Variants in TIGAR observed in about 807,000 individuals in gnomAD.
The protein encoded by TIGAR is fructose-2,6-bisphosphatase TIGAR.
TIGAR carries 7 observed loss-of-function variants against 17.9 expected under a neutral mutation model. That is an observed-to-expected ratio of 0.39 (90% confidence interval 0.22 to 0.73). The LOEUF (loss-of-function observed/expected upper bound fraction) is 0.73. TIGAR is among the 30% of genes least tolerant of loss of function. The probability of loss-of-function intolerance (pLI) is 0.42; values close to 1 mark genes in which losing one functional copy is unlikely to be tolerated. For synonymous variants in TIGAR, 94 were observed against 108.6 expected, an observed-to-expected ratio of 0.87 and a Z score of 0.84; for missense variants, 258 against 327.4, an observed-to-expected ratio of 0.79 and a Z score of 1.64.
At chr12:4,343,106 A>T (rs1359875315) in intron 3 of TIGAR, among the ~76,000 whole-genome samples, 1 of 152,214 alleles carries the variant, frequency 6.6e-6, no homozygotes, top group East Asian at 1.9e-4. Flanking sequence ...GATAAAATGG[A>T]CTTTAAACCA....
chr12:4,333,438 C>T (rs1466556576), intron 2 of TIGAR, among the ~76,000 whole-genome samples: 3 of 151,412 alleles, frequency 2.0e-5, no homozygotes, highest in Non-Finnish European at 4.4e-5. Context: ...TACAGGTTCC[C>T]GGCACCACAC....
At chr12:4,327,421 A>G (rs1286620725) in intron 1 of TIGAR, among the ~76,000 whole-genome samples, 1 of 151,974 alleles carries the variant, frequency 6.6e-6, no homozygotes, top group Non-Finnish European at 1.5e-5. Context: ...AAAAAAAAAA[A>G]AAAAAAGAAA....
chr12:4,321,361 G>A lies in TIGAR; in HGVS notation c.32+58G>A, dbSNP rs1328798501. On this transcript the variant is annotated intron_variant, in intron 1 of 5. Coordinates refer to ENST00000179259, the MANE Select transcript of TIGAR (RefSeq NM_020375.3). This position sits in a 1 kb window ranked among gnomAD's most constrained non-coding sequence, Gnocchi z 5.2. ...CTCTCTTCCTTGAGTGTGTTGGAGC[G>A]GGTGAAGGGAAAACGGGTCCACCAC... 6.3e-7 allele frequency: 1 copy of A among 1,596,516 alleles called. No homozygotes were observed. Among genetic ancestry groups the A allele is most frequent in the Non-Finnish European group, 8.5e-7 (1 of 1,177,532 alleles).
At position 4,351,300 on chromosome 12, in the gene TIGAR, G is replaced by A. The variant is rs1407503748; in HGVS notation, c.304G>A (p.Glu102Lys). 1.2e-6 allele frequency: 2 copies of A among 1,614,164 alleles called. No homozygotes were observed. Among genetic ancestry groups the A allele is most frequent in the Admixed American group, 3.3e-5 (2 of 60,022 alleles). The change falls in exon 5 of 6, where the codon GAG (glutamate) becomes AAG (lysine). Residue 102 changes from glutamate to lysine, a missense_variant. By Grantham distance (56) the Glu-to-Lys change is moderately conservative. Transcript: ENST00000179259. ...GGTTGTAGAAGGCAAAGCGCTAAGT[G>A]AGCTGAGGGCCATGGCCAAAGCAGC... Reference protein sequence around the residue: ...YGVVEGKALSELRAMAKAARE... With the variant: ...YGVVEGKALSKLRAMAKAARE...
In TIGAR at chr12:4,354,500, T is replaced by G. The variant is rs1049235376; in HGVS notation, c.*1809T>G. On this transcript the variant is annotated 3_prime_UTR_variant, in exon 6 of 6. Coordinates refer to ENST00000179259, the MANE Select transcript of TIGAR (RefSeq NM_020375.3). ...TGTTCATCTGCTTGCAATGTTCATC[T>G]GTTCCTTATATTTTCACCTAGTGTC... 2 of 152,124 alleles carry G rather than the reference T, an allele frequency of 1.3e-5. No homozygotes were observed. Among genetic ancestry groups the G allele is most frequent in the Non-Finnish European group, 1.5e-5 (1 of 68,022 alleles). The allele number at this position is 152,124 out of a possible 1,614,324, so 9.4% of individuals were successfully genotyped here. A position where few individuals can be genotyped will look rare whatever the true frequency, so the allele number is the denominator to read the frequency against.
intron 1 of TIGAR, among the ~76,000 whole-genome samples, chr12:4,322,062 C>G (rs1260925199): frequency 1.3e-5 from 2 of 151,960 alleles, no homozygotes; most frequent in Non-Finnish European, 2.9e-5. Flanking sequence ...GTGGCGCTAT[C>G]TCTGCTCACT....
intron 2 of TIGAR, among the ~76,000 whole-genome samples, chr12:4,333,282 T>C (rs1864622709): frequency 1.4e-5 from 2 of 146,464 alleles, no homozygotes; most frequent in Non-Finnish European, 3.0e-5. Context: ...TTTGAAAATA[T>C]ATATAAGTTG....
At chr12:4,349,698 T>C (rs1013002615) in intron 3 of TIGAR, 121 bp from the exon 4 acceptor site, 1 of 748,686 alleles carries the variant, frequency 1.3e-6, no homozygotes, top group Non-Finnish European at 2.1e-6. Flanking sequence ...ATTACAGGTG[T>C]GAGCCACCGT....
At position 4,351,186 on chromosome 12, in the gene TIGAR, T is replaced by C. The variant is rs147583305; in HGVS notation, c.271-81T>C. 1.8e-3 allele frequency: 2,339 copies of C among 1,283,430 alleles called. 10 individuals carry two copies. Among genetic ancestry groups the C allele is most frequent in the Non-Finnish European group, 2.4e-3 (2,150 of 891,858 alleles). The allele number at this position is 1,283,430 out of a possible 1,614,324, so 79.5% of individuals were successfully genotyped here. ...AGTTAGCTTATTCCTGGGATGAATG[T>C]TCTAAATTTGCCATAAACATAAACT... is the stretch of plus-strand genomic sequence containing the variant. On this transcript the variant is annotated intron_variant, in intron 4 of 5. Coordinates refer to ENST00000179259, the MANE Select transcript of TIGAR (RefSeq NM_020375.3).
chr12:4,336,246 G>A (rs1043717382), intron 2 of TIGAR, among the ~76,000 whole-genome samples: 1 of 152,082 alleles, frequency 6.6e-6, no homozygotes, highest in Non-Finnish European at 1.5e-5. Flanking sequence ...AGGAGCCCTC[G>A]CTCCCAAGAA....
Position 4,321,334 on chromosome 12 carries a change from C to G in TIGAR, c.32+31C>G. The G allele has an allele frequency of 6.2e-7, 1 of 1,600,076 alleles. No individual in the cohort carries two copies. The highest frequency in any genetic ancestry group is 8.5e-7 in the Non-Finnish European group (1 of 1,179,648). ...TATGGCTGTGGCAGGATGTCTTTCT[C>G]TCTCTCTTCCTTGAGTGTGTTGGAG... On this transcript the variant is annotated intron_variant, in intron 1 of 5. Transcript: ENST00000179259. The surrounding 1 kb of genome is among the most constrained non-coding windows in gnomAD (Gnocchi z 5.2).
chr12:4,326,384 T>A (rs1219035963), intron 1 of TIGAR, among the ~76,000 whole-genome samples: 1 of 152,252 alleles, frequency 6.6e-6, no homozygotes, highest in African/African-American at 2.4e-5. Context: ...ATTAAACAGT[T>A]ACTTCAAGGA....
chr12:4,346,894 A>G (rs866575127), intron 3 of TIGAR, among the ~76,000 whole-genome samples: 4 of 152,208 alleles, frequency 2.6e-5, no homozygotes, highest in Non-Finnish European at 4.4e-5. Flanking sequence ...AAGACAGGCA[A>G]TAACACATGC....
At chr12:4,337,332 A>G (rs1025234730) in intron 3 of TIGAR, among the ~76,000 whole-genome samples, 172 bp downstream of exon 3, 1 of 151,974 alleles carries the variant, frequency 6.6e-6, no homozygotes, top group Non-Finnish European at 1.5e-5. Flanking sequence ...CACCTAGCTA[A>G]TTTTTGTATT....
intron 1 of TIGAR, among the ~76,000 whole-genome samples, chr12:4,325,461 A>G (rs191360845): frequency 1.3e-5 from 2 of 152,196 alleles, no homozygotes; most frequent in African/African-American, 4.8e-5. Flanking sequence ...CTTTATAAAG[A>G]TCAAAGACAG....
At chr12:4,343,583 A>C (rs2120679288) in intron 3 of TIGAR, among the ~76,000 whole-genome samples, 1 of 151,948 alleles carries the variant, frequency 6.6e-6, no homozygotes, top group Non-Finnish European at 1.5e-5. Context: ...AGAAACTCAA[A>C]GCCACTCAAC....
intron 3 of TIGAR, among the ~76,000 whole-genome samples, chr12:4,340,775 G>A (rs1047164738): frequency 6.6e-6 from 1 of 152,172 alleles, no homozygotes; most frequent in Non-Finnish European, 1.5e-5. Context: ...TGACAAAGAT[G>A]CCAAGAAGAT....
rs749074349 is a variant in TIGAR at position 4,351,362 on chromosome 12, A to G, written c.366A>G (p.Gly122=). The G allele has an allele frequency of 6.2e-7, 1 of 1,614,094 alleles. No individual in the cohort carries two copies. Among genetic ancestry groups the G allele is most frequent in the South Asian group, 1.1e-5 (1 of 91,082 alleles). Residue 122 remains glycine (G), a synonymous_variant, in exon 5 of 6, where the codon GGA becomes GGG. Coordinates refer to ENST00000179259, the MANE Select transcript of TIGAR (RefSeq NM_020375.3). Reference sequence around the variant, plus strand: ...GCCCTGTGTTTACACCGCCCGGAGGAGAGACGCTGGACCAGGTATGTGGCG... The same window carrying G: ...GCCCTGTGTTTACACCGCCCGGAGGGGAGACGCTGGACCAGGTATGTGGCG... ...EECPVFTPPG[G]ETLDQVKMRG...
intron 3 of TIGAR, among the ~76,000 whole-genome samples, chr12:4,338,976 AC>A (rs372066598): frequency 0.17 from 10,943 of 63,504 alleles, 1,213 homozygotes; most frequent in South Asian, 0.27. Flanking sequence ...ACTTTGTCTC[AC>A]AAAAAAAAAA....
Sources: allele counts gnomAD v4.1 joint callset (sites outside exome capture counted in the v4.1 genomes callset), GRCh38; gene constraint gnomAD v4.1.1; non-coding constraint Gnocchi (gnomAD v3.1); transcripts MANE v1.5; gene names NCBI Gene and HGNC (gene_info 2026-07-23, HGNC 2026-07-21).